Variants in NR3C2 observed in about 807,000 individuals in gnomAD.
The protein encoded by NR3C2 is nuclear receptor subfamily 3 group C member 2.
Under a neutral mutation model 86.4 loss-of-function variants are expected in NR3C2, and 15 were observed. The ratio of observed to expected loss-of-function variants is 0.17; its 90% CI spans 0.12 to 0.27. The LOEUF (loss-of-function observed/expected upper bound fraction) is 0.27. Ranked by LOEUF, NR3C2 falls within the 10% of genes least tolerant of loss-of-function variation. NR3C2 has a pLI of 1.00. For synonymous variants in NR3C2, 458 were observed against 450.5 expected, an observed-to-expected ratio of 1.02 and a Z score of -0.21; for missense variants, 960 against 1,195.6, an observed-to-expected ratio of 0.80 and a Z score of 2.91.
intron 2 of NR3C2, among the ~76,000 whole-genome samples, chr4:148,304,050 C>G (rs1742476908): frequency 6.6e-6 from 1 of 152,166 alleles, no homozygotes; most frequent in Non-Finnish European, 1.5e-5. Context: ...AGAAAAGAAC[C>G]AGGGATGCCT....
chr4:148,443,861 C>A (rs537871537), upstream of NR3C2: 65 of 364,886 alleles, frequency 1.8e-4, no homozygotes, highest in East Asian at 9.6e-3. Flanking sequence ...GATTCCGGAC[C>A]CCTAACCCAG....
chr4:148,348,938 C>T (rs1412484943), intron 2 of NR3C2, among the ~76,000 whole-genome samples: 1 of 152,102 alleles, frequency 6.6e-6, no homozygotes, highest in African/African-American at 2.4e-5. Context: ...CAACCATATT[C>T]AAGTGTTAAG....
intron 8 of NR3C2, among the ~76,000 whole-genome samples, chr4:148,091,258 G>A (rs1731048147): frequency 1.3e-5 from 2 of 152,268 alleles, no homozygotes; most frequent in Non-Finnish European, 2.9e-5. Flanking sequence ...AGGAGAACAT[G>A]ACCAAGCTGG....
intron 2 of NR3C2, among the ~76,000 whole-genome samples, chr4:148,279,486 A>C (rs1741131136): frequency 6.6e-6 from 1 of 152,208 alleles, no homozygotes. Context: ...AAGACACTAA[A>C]AATTCATGAC....
At chr4:148,162,270 G>A (rs1012557322) in intron 4 of NR3C2, among the ~76,000 whole-genome samples, 3 of 152,164 alleles carry the variant, frequency 2.0e-5, no homozygotes, top group African/African-American at 7.2e-5. Context: ...AGTCAGATAG[G>A]GACAAAGCTG....
intron 4 of NR3C2, among the ~76,000 whole-genome samples, chr4:148,159,597 T>C (rs1252442599): frequency 6.6e-6 from 1 of 152,230 alleles, no homozygotes. Context: ...GCAGAGCTAG[T>C]AAATACCAGG....
intron 6 of NR3C2, among the ~76,000 whole-genome samples, chr4:148,125,208 T>G (rs1361477262): frequency 1.3e-5 from 2 of 152,268 alleles, no homozygotes; most frequent in African/African-American, 2.4e-5. Flanking sequence ...AAACACTTTT[T>G]GCAAGACTCA....
chr4:148,379,800 T>TA (rs1746870050), intron 2 of NR3C2, among the ~76,000 whole-genome samples: 1 of 152,210 alleles, frequency 6.6e-6, no homozygotes, highest in Non-Finnish European at 1.5e-5. Context: ...AGGATAACAT[T>TA]AAACCTGGCC....
intron 3 of NR3C2, among the ~76,000 whole-genome samples, chr4:148,244,575 T>C (rs1294812776): frequency 6.6e-6 from 1 of 152,192 alleles, no homozygotes; most frequent in Admixed American, 6.5e-5. Flanking sequence ...GAAAGGGAGA[T>C]GAGTTTCACT....
chr4:148,413,111 A>G (rs887909985), intron 2 of NR3C2, among the ~76,000 whole-genome samples: 1 of 152,188 alleles, frequency 6.6e-6, no homozygotes, highest in African/African-American at 2.4e-5. Flanking sequence ...TAAGAAATAA[A>G]CAGCCCCAAC....
intron 2 of NR3C2, among the ~76,000 whole-genome samples, chr4:148,328,362 C>T (rs1744065110): frequency 6.6e-6 from 1 of 152,134 alleles, no homozygotes; most frequent in South Asian, 2.1e-4. Flanking sequence ...CAGATCTGCT[C>T]CCCACATGAA....
At chr4:148,090,606 C>A (rs142437923) in intron 8 of NR3C2, among the ~76,000 whole-genome samples, 261 of 152,316 alleles carry the variant, frequency 1.7e-3, no homozygotes, top group African/African-American at 5.8e-3. Flanking sequence ...GAGCCTCTGT[C>A]CCTATCACCC....
chr4:148,178,247 C>T (rs1002089779), intron 4 of NR3C2, among the ~76,000 whole-genome samples: 2 of 148,264 alleles, frequency 1.3e-5, no homozygotes, highest in Non-Finnish European at 3.0e-5. Context: ...ATGAGAATCA[C>T]TTGAACCCGG....
chr4:148,128,568 C>T (rs186921247), intron 6 of NR3C2, among the ~76,000 whole-genome samples: 2 of 152,198 alleles, frequency 1.3e-5, no homozygotes, highest in African/African-American at 4.8e-5. Flanking sequence ...AGAACACAAG[C>T]AAGGCTCTTC....
chr4:148,420,277 T>A (rs72732319), intron 2 of NR3C2, among the ~76,000 whole-genome samples: 4,376 of 152,288 alleles, frequency 0.029, 93 homozygotes, highest in Non-Finnish European at 0.044. Flanking sequence ...ATGACACCAT[T>A]CGAAACCTAG....
rs1042942927 is a variant in NR3C2 at position 148,279,405 on chromosome 4, C to T, written c.1758-19288G>A. Among the ~76,000 whole-genome samples, 5 of 151,952 alleles carry T rather than the reference C, an allele frequency of 3.3e-5. 1 individual carries two copies. Among genetic ancestry groups the T allele is most frequent in the African/African-American group, 1.2e-4 (5 of 41,412 alleles). On this transcript the variant is annotated intron_variant, in intron 2 of 8. Coordinates refer to ENST00000358102, the MANE Select transcript of NR3C2 (RefSeq NM_000901.5). ...ATGAAGGCAAGCTTTAATTCCTTTT[C>T]TTCACATTATTGGATGAGCGATAAC... is the stretch of plus-strand genomic sequence containing the variant.
intron 2 of NR3C2, among the ~76,000 whole-genome samples, chr4:148,263,057 C>T (rs1740207484): frequency 6.6e-6 from 1 of 152,148 alleles, no homozygotes; most frequent in African/African-American, 2.4e-5. Context: ...CTGACAGCCC[C>T]TGCCAGAATG....
intron 2 of NR3C2, among the ~76,000 whole-genome samples, chr4:148,386,431 C>T (rs890890814): frequency 1.3e-5 from 2 of 152,190 alleles, no homozygotes; most frequent in Non-Finnish European, 2.9e-5. Context: ...AAAATGGCCA[C>T]AAACACTATG....
chr4:148,344,492 G>T (rs7438918), intron 2 of NR3C2, among the ~76,000 whole-genome samples: 3 of 152,062 alleles, frequency 2.0e-5, no homozygotes, highest in African/African-American at 7.2e-5. Context: ...ATACCAATAT[G>T]GTCCTCAAAG....
Sources: gnomAD v4.1 joint callset for allele counts (sites outside exome capture counted in the v4.1 genomes callset) on GRCh38, gnomAD v4.1.1 for gene constraint, MANE v1.5 for transcripts, NCBI Gene and HGNC (gene_info 2026-07-23, HGNC 2026-07-21) for gene names.